Variants in EPHB3 observed in about 807,000 individuals in gnomAD.
EPHB3 encodes the protein ephrin type-B receptor 3.
Under a neutral mutation model 100.2 loss-of-function variants are expected in EPHB3, and 33 were observed. The ratio of observed to expected loss-of-function variants is 0.33; its 90% CI spans 0.25 to 0.44. EPHB3 has a LOEUF of 0.44. Among genes scored for constraint, EPHB3 ranks in the 20% least tolerant of loss-of-function variants. The probability of loss-of-function intolerance (pLI) is 1.00; values close to 1 mark genes in which losing one functional copy is unlikely to be tolerated. For synonymous variants in EPHB3, 526 were observed against 554.7 expected (o/e 0.95, Z 0.73); for missense variants, 1,045 against 1,378.3 (o/e 0.76, Z 3.83).
In EPHB3 at chr3:184,581,342, G is replaced by T; in HGVS notation, c.2822G>T (p.Arg941Leu). ...GDWLDAIKMG[R>L]YKESFVSAGF... is the part of the protein sequence containing the mutation. ...TGGCTGGATGCCATCAAGATGGGGC[G>T]GTACAAGGAGAGCTTCGTCAGTGCG... The change falls in exon 15 of 16, where the codon CGG becomes CTG. Residue 941 changes from arginine to leucine, a missense_variant. Physicochemically the swap from Arg to Leu is moderately radical, Grantham distance 102. Around this residue, in one of 2 missense-constraint regions of EPHB3, gnomAD observed 985 missense variants for 1,331.1 expected, o/e 0.74. Coordinates refer to ENST00000330394, the MANE Select transcript of EPHB3 (RefSeq NM_004443.4). The T allele has an allele frequency of 2.5e-6, 4 of 1,609,928 alleles. No homozygotes were observed. Among genetic ancestry groups the T allele is most frequent in the Non-Finnish European group, 3.4e-6 (4 of 1,177,664 alleles).
chr3:184,573,216 G>T lies in EPHB3; in HGVS notation c.856+40G>T, dbSNP rs755126237. 1.8e-5 allele frequency: 29 copies of T among 1,603,140 alleles called. No homozygotes were observed. Among genetic ancestry groups the T allele is most frequent in the Non-Finnish European group, 2.3e-5 (27 of 1,179,314 alleles). On this transcript the variant is annotated intron_variant, in intron 3 of 15. Coordinates refer to ENST00000330394, the MANE Select transcript of EPHB3 (RefSeq NM_004443.4). The surrounding 1 kb of genome is among the most constrained non-coding windows in gnomAD (Gnocchi z 4.5). ...TCCTGGGGAAAGGGTTGTCGGGAGG[G>T]CCTGGGCCACAGCTACCTACCGCCC...
chr3:184,567,843 ATAGG>A (rs111770078), intron 1 of EPHB3, among the ~76,000 whole-genome samples: 8 of 152,288 alleles, frequency 5.3e-5, no homozygotes, highest in African/African-American at 1.7e-4. Flanking sequence ...AAATCTGCAC[ATAGG>A]TAGGCTGGAA....
chr3:184,566,340 G>T (rs6797724), intron 1 of EPHB3, among the ~76,000 whole-genome samples: 7,073 of 152,274 alleles, frequency 0.046, 483 homozygotes, highest in African/African-American at 0.15. Flanking sequence ...TATTTAATTA[G>T]AAACCCCCAT....
chr3:184,577,145 C>T lies in EPHB3; in HGVS notation c.1316C>T (p.Pro439Leu). 1.9e-6 allele frequency: 3 copies of T among 1,608,964 alleles called. No individual in the cohort carries two copies. The highest frequency in any genetic ancestry group is 2.5e-6 in the Non-Finnish European group (3 of 1,176,620). ...NGVSGKSPLPPRYAAVNITTN... is the reference protein window; with the variant it reads ...NGVSGKSPLPLRYAAVNITTN... ...GTCTCGGGCAAGAGCCCTCTGCCGC[C>T]TCGTTATGCGGCCGTGAATATCACC... Residue 439 changes from proline (P) to leucine (L), a missense_variant, in exon 5 of 16, where the codon CCT becomes CTT. Around this residue, in one of 2 missense-constraint regions of EPHB3, gnomAD observed 985 missense variants for 1,331.1 expected, o/e 0.74. Transcript: ENST00000330394. This position sits in a 1 kb window ranked among gnomAD's most constrained non-coding sequence, Gnocchi z 4.9.
Position 184,581,578 on chromosome 3 carries a change from G to C in EPHB3, c.2953G>C (p.Asp985His). The C allele has an allele frequency of 6.2e-7, 1 of 1,613,744 alleles. No homozygotes were observed. Residue 985 changes from aspartate to histidine, a missense_variant, in exon 16 of 16, where the codon GAC becomes CAC. Transcript: ENST00000330394. ...GAAGAAGATCCTGAGCAGTATCCAG[G>C]ACATGCGGCTGCAGATGAACCAGAC... ...HQKKILSSIQ[D>H]MRLQMNQTLP...
rs1160396901 is a variant in EPHB3, at chr3:184,562,891, C to T, written c.118+538C>T. On this transcript the variant is annotated intron_variant, in intron 1 of 15. Transcript: ENST00000330394. The surrounding 1 kb of genome is among the most constrained non-coding windows in gnomAD (Gnocchi z 4.8). ...GGGCCTGTTATTGTTTATGGTTTACCGGGCGCCAATTACACCCGAGGTGCT... is the reference window on the plus strand; with the variant it reads ...GGGCCTGTTATTGTTTATGGTTTACTGGGCGCCAATTACACCCGAGGTGCT... Among the ~76,000 whole-genome samples the T allele has an allele frequency of 2.0e-5, 3 of 152,206 alleles. No homozygotes were observed. The highest frequency in any genetic ancestry group is 2.1e-4 in the South Asian group (1 of 4,832).
chr3:184,577,880 C>A lies in EPHB3; in HGVS notation c.1640-18C>A. ...CACTCTCTGTCCCTCCACTCAGCAG[C>A]CCCTTCTCTATCTCCAGGCTCTGGG... On this transcript the variant is annotated intron_variant, in intron 7 of 15. Transcript: ENST00000330394. The surrounding 1 kb of genome is among the most constrained non-coding windows in gnomAD (Gnocchi z 4.9). 6.2e-7 allele frequency: 1 copy of A among 1,612,270 alleles called. No homozygotes were observed. Among genetic ancestry groups the A allele is most frequent in the Non-Finnish European group, 8.5e-7 (1 of 1,179,010 alleles).
At chr3:184,576,195 A>G (rs544744533) in intron 4 of EPHB3, among the ~76,000 whole-genome samples, 2 of 150,922 alleles carry the variant, frequency 1.3e-5, no homozygotes, top group Admixed American at 6.6e-5. Flanking sequence ...CCTTCCACCA[A>G]CGCTTGCTAA....
intron 1 of EPHB3, among the ~76,000 whole-genome samples, chr3:184,566,292 G>A (rs954351774): frequency 6.6e-6 from 1 of 152,146 alleles, no homozygotes; most frequent in African/African-American, 2.4e-5. Flanking sequence ...TGGGCTCCCC[G>A]CCCTGGGCTT....
rs938107906 is a variant in EPHB3, at chr3:184,569,139, G to A, written c.119-2179G>A. 6.6e-6 allele frequency among the ~76,000 whole-genome samples: 1 copy of A among 152,202 alleles called. No homozygotes were observed. The highest frequency in any genetic ancestry group is 2.4e-5 in the African/African-American group (1 of 41,460). On this transcript the variant is annotated intron_variant, in intron 1 of 15. Coordinates refer to ENST00000330394, the MANE Select transcript of EPHB3 (RefSeq NM_004443.4). The surrounding 1 kb of genome is among the most constrained non-coding windows in gnomAD (Gnocchi z 5.4). The stretch of plus-strand genomic sequence containing the variant: ...AGCAGAAGGAAGTGAGGGAGAGGGA[G>A]GAGGGAGGCGGCGCGAGGGAGCGGC...
Position 184,579,754 on chromosome 3 carries a change from C to A in EPHB3, c.1992C>A (p.Ile664=), listed in dbSNP as rs1363693101. 2 of 1,613,420 alleles carry A rather than the reference C, an allele frequency of 1.2e-6. No individual in the cohort carries two copies. The highest frequency in any genetic ancestry group is 1.7e-6 in the Non-Finnish European group (2 of 1,179,888). The change falls in exon 11 of 16, where the codon ATC becomes ATA. Residue 664 remains isoleucine (I), a synonymous_variant. Coordinates refer to ENST00000330394, the MANE Select transcript of EPHB3 (RefSeq NM_004443.4). This position sits in a 1 kb window ranked among gnomAD's most constrained non-coding sequence, Gnocchi z 5.2. ...GCCGCCGAGAGGTGTTTGTGGCCAT[C>A]AAGACGCTGAAGGTGGGCTACACCG... is the stretch of plus-strand genomic sequence containing the variant. ...QPGRREVFVA[I]KTLKVGYTER... is the part of the protein sequence containing the mutation.
rs1714724645 is a variant in EPHB3, at chr3:184,578,051, C to T, written c.1748+45C>T. 3.1e-6 allele frequency: 5 copies of T among 1,595,348 alleles called. No homozygotes were observed. Among genetic ancestry groups the T allele is most frequent in the Middle Eastern group, 3.3e-4 (2 of 6,010 alleles). ...TGCTCCATGGGCCGCCTCGAACTGCCCTTTAGCATCCTAGAGCCCTCATGC... is the reference window on the plus strand; with the variant it reads ...TGCTCCATGGGCCGCCTCGAACTGCTCTTTAGCATCCTAGAGCCCTCATGC... On this transcript the variant is annotated intron_variant, in intron 8 of 15. Coordinates refer to ENST00000330394, the MANE Select transcript of EPHB3 (RefSeq NM_004443.4). The surrounding 1 kb of genome is among the most constrained non-coding windows in gnomAD (Gnocchi z 4.7).
Position 184,579,580 on chromosome 3 carries a change from C to A in EPHB3, c.1905C>A (p.Ile635=). The A allele has an allele frequency of 6.2e-7, 1 of 1,613,872 alleles. No homozygotes were observed. The highest frequency in any genetic ancestry group is 1.1e-5 in the South Asian group (1 of 91,060). Residue 635 remains isoleucine (I), a synonymous_variant, in exon 10 of 16, where the codon ATC becomes ATA. Transcript: ENST00000330394. This position sits in a 1 kb window ranked among gnomAD's most constrained non-coding sequence, Gnocchi z 5.2. ...AKEIDVSCVK[I]EEVIGAGEFG... ...AGATCGACGTGTCCTGCGTCAAGAT[C>A]GAGGAGGTGATCGGAGCTGGTGAGT...
rs747285934 is a variant in EPHB3 at position 184,577,420 on chromosome 3, C to T, written c.1432C>T (p.Arg478Trp). The change falls in exon 6 of 16, where the codon CGG (arginine) becomes TGG (tryptophan). Residue 478 changes from arginine to tryptophan, a missense_variant. This residue lies in a region of EPHB3 where 985 missense variants were observed against 1,331.1 expected (regional missense o/e 0.74). Transcript: ENST00000330394. The surrounding 1 kb of genome is among the most constrained non-coding windows in gnomAD (Gnocchi z 4.9). ...SLTLSWAPPE[R>W]PNGVILDYEM... ...CACCCTATCCTGGGCACCCCCAGAG[C>T]GGCCCAACGGAGTCATCCTGGACTA... 20 of 1,614,040 alleles carry T rather than the reference C, an allele frequency of 1.2e-5. No individual in the cohort carries two copies. Among genetic ancestry groups the T allele is most frequent in the East Asian group, 8.9e-5 (4 of 44,866 alleles).
rs539536039 is a variant in EPHB3, at chr3:184,573,854, A to T, written c.856+678A>T. 6.6e-6 allele frequency among the ~76,000 whole-genome samples: 1 copy of T among 151,470 alleles called. No homozygotes were observed. The highest frequency in any genetic ancestry group is 2.4e-5 in the African/African-American group (1 of 41,182). On this transcript the variant is annotated intron_variant, in intron 3 of 15. Coordinates refer to ENST00000330394, the MANE Select transcript of EPHB3 (RefSeq NM_004443.4). This position sits in a 1 kb window ranked among gnomAD's most constrained non-coding sequence, Gnocchi z 4.5. ...TGCCTCAGCCTCCTGAGTAGTTGGG[A>T]TTACAGGCATGTGCCACCACACCCA...
At chr3:184,576,153 C>T (rs1175312563) in intron 4 of EPHB3, among the ~76,000 whole-genome samples, 168 bp downstream of exon 4, 1 of 152,174 alleles carries the variant, frequency 6.6e-6, no homozygotes, top group East Asian at 1.9e-4. Context: ...GGTGACTGCC[C>T]CTGAGCCAGA....
At position 184,576,128 on chromosome 3, in the gene EPHB3, A is replaced by G. The variant is rs142335817; in HGVS notation, c.1012+143A>G. On this transcript the variant is annotated intron_variant, in intron 4 of 15. Transcript: ENST00000330394. Reference sequence around the variant, plus strand: ...AGGGAAGTTAGATGTTGCGCTCAACATGGCACAACTGGGAGGTGACTGCCC... The same window carrying G: ...AGGGAAGTTAGATGTTGCGCTCAACGTGGCACAACTGGGAGGTGACTGCCC... 1,566 of 1,197,052 alleles carry G rather than the reference A, an allele frequency of 1.3e-3. 4 individuals are homozygous for G. The highest frequency in any genetic ancestry group is 2.0e-3 in the South Asian group (117 of 57,188). 74.2% of individuals were successfully genotyped at this position (1,197,052 alleles called of 1,614,324 possible). A position where few individuals can be genotyped will look rare whatever the true frequency, so the allele number is the denominator to read the frequency against.
Position 184,581,639 on chromosome 3 carries a change from G to T in EPHB3, c.*17G>T. ...CAGGTCTGACACCGGCTCCCACGGG[G>T]ACCCTGAGGACCGTGCAGGGATGCC... On this transcript the variant is annotated 3_prime_UTR_variant, in exon 16 of 16. Transcript: ENST00000330394. The T allele has an allele frequency of 6.3e-7, 1 of 1,585,350 alleles. No individual in the cohort carries two copies.
rs1714352680 is a variant in EPHB3, at chr3:184,565,200, T to C, written c.118+2847T>C. ...AACATGCCCTCCCCTTGCCCTCTGA[T>C]TGATTGTCCCCTTCCCCCATGCAAA... On this transcript the variant is annotated intron_variant, in intron 1 of 15. Transcript: ENST00000330394. The surrounding 1 kb of genome is among the most constrained non-coding windows in gnomAD (Gnocchi z 4.8). 6.6e-6 allele frequency among the ~76,000 whole-genome samples: 1 copy of C among 152,072 alleles called. No homozygotes were observed.
Sources: allele counts gnomAD v4.1 joint callset (sites outside exome capture counted in the v4.1 genomes callset), GRCh38; gene constraint gnomAD v4.1.1; regional missense constraint gnomAD v4.1.1; non-coding constraint Gnocchi (gnomAD v3.1); transcripts MANE v1.5; gene names NCBI Gene and HGNC (gene_info 2026-07-23, HGNC 2026-07-21).